The following SLC9A1 variants were observed in gnomAD, a reference collection of about 807,000 sequenced individuals.
SLC9A1 encodes the protein sodium/hydrogen exchanger 1.
SLC9A1 carries 22 observed loss-of-function variants against 67.9 expected under a neutral mutation model. The ratio of observed to expected loss-of-function variants is 0.32; its 90% confidence interval spans 0.23 to 0.46. The LOEUF (loss-of-function observed/expected upper bound fraction) is 0.46. Ranked by LOEUF, SLC9A1 falls within the 20% of genes least tolerant of loss-of-function variation. The pLI is 1.00. For missense variants in SLC9A1, 686 were observed against 1,094.8 expected, an observed-to-expected ratio of 0.63 and a Z score of 5.27; for synonymous variants, 421 against 471.8, an observed-to-expected ratio of 0.89 and a Z score of 1.40.
chr1:27,142,865 C>A (rs1394893316), intron 1 of SLC9A1, among the ~76,000 whole-genome samples: 1 of 152,052 alleles, frequency 6.6e-6, no homozygotes, highest in Non-Finnish European at 1.5e-5. Context: ...CTTCTCCTTG[C>A]CTGGAAGGTA....
chr1:27,153,938 C>A, intron 1 of SLC9A1, 45 bp downstream of exon 1: 1 of 1,330,618 alleles, frequency 7.5e-7, no homozygotes, highest in South Asian at 1.4e-5. Context: ...GCAAGAAGCT[C>A]ACCAGTCTGG....
At chr1:27,127,903 C>T (rs1314660333) in intron 1 of SLC9A1, among the ~76,000 whole-genome samples, 1 of 152,196 alleles carries the variant, frequency 6.6e-6, no homozygotes, top group East Asian at 1.9e-4. Flanking sequence ...AACTGGGCTT[C>T]AGTCTAGACT....
chr1:27,144,517 C>T (rs981010066), intron 1 of SLC9A1, among the ~76,000 whole-genome samples: 12 of 152,270 alleles, frequency 7.9e-5, no homozygotes, highest in Admixed American at 2.0e-4. Context: ...CTCAGTTAAA[C>T]TCCTTGGCTT....
chr1:27,107,950 G>A lies in SLC9A1; in HGVS notation c.1065-85C>T, dbSNP rs969799487. 246 of 983,270 alleles carry A rather than the reference G, an allele frequency of 2.5e-4. 1 individual carries two copies. Among genetic ancestry groups the A allele is most frequent in the Non-Finnish European group, 3.5e-4 (222 of 640,628 alleles). 60.9% of individuals were successfully genotyped at this position (983,270 alleles called of 1,614,324 possible). On this transcript the variant is annotated intron_variant, in intron 3 of 11. Coordinates refer to ENST00000263980, the MANE Select transcript of SLC9A1 (RefSeq NM_003047.5). ...CCACTGCCAGGGGCAATGGGGCCAC[G>A]ACCAAGGTGCCCATGTCCCAAGCTC...
At chr1:27,105,395 G>T in intron 5 of SLC9A1, 1 of 326,398 alleles carries the variant, frequency 3.1e-6, no homozygotes, top group East Asian at 6.7e-5. Flanking sequence ...CACCTCCTGG[G>T]TTCAAGTGAT....
chr1:27,120,333 C>A (rs1274313076), intron 1 of SLC9A1, among the ~76,000 whole-genome samples: 1 of 150,086 alleles, frequency 6.7e-6, no homozygotes, highest in African/African-American at 2.4e-5. Flanking sequence ...GCCATGTTGG[C>A]CAGGCTGGTC....
In SLC9A1 at chr1:27,155,088, A is replaced by G. The variant is rs370882950; in HGVS notation, c.-754T>C. Among the ~76,000 whole-genome samples, 9 of 152,156 alleles carry G rather than the reference A, an allele frequency of 5.9e-5. No individual in the cohort carries two copies. The highest frequency in any genetic ancestry group is 1.2e-4 in the Non-Finnish European group (8 of 67,966). On this transcript the variant is annotated 5_prime_UTR_variant, in exon 1 of 12. Coordinates refer to ENST00000263980, the MANE Select transcript of SLC9A1 (RefSeq NM_003047.5). This position sits in a 1 kb window ranked among gnomAD's most constrained non-coding sequence, Gnocchi z 4.5. ...CTGCAGCTCCTCCTGGTCCAGCTCCAGAACTAACCCTAGCCCCGGCCCCGG... is the reference window on the plus strand; with the variant it reads ...CTGCAGCTCCTCCTGGTCCAGCTCCGGAACTAACCCTAGCCCCGGCCCCGG...
At chr1:27,103,968 GA>G (rs1320101892) in intron 5 of SLC9A1, 1 of 151,970 alleles carries the variant, frequency 6.6e-6, no homozygotes, top group Non-Finnish European at 1.5e-5. Context: ...TGCCTTCAAT[GA>G]AAATGGGCTT....
At chr1:27,150,245 G>A (rs1158795448) in intron 1 of SLC9A1, among the ~76,000 whole-genome samples, 3 of 152,154 alleles carry the variant, frequency 2.0e-5, no homozygotes, top group African/African-American at 7.2e-5. Context: ...TTAATCTACA[G>A]AGGAGATGGC....
At chr1:27,129,307 C>G (rs139777337) in intron 1 of SLC9A1, among the ~76,000 whole-genome samples, 145 of 152,260 alleles carry the variant, frequency 9.5e-4, no homozygotes, top group South Asian at 7.9e-3. Context: ...AGAGACAGGG[C>G]ATGCTTGGAG....
chr1:27,105,774 G>T, intron 5 of SLC9A1, 111 bp downstream of exon 5: 1 of 921,828 alleles, frequency 1.1e-6, no homozygotes, highest in Admixed American at 2.0e-5. Flanking sequence ...GCAAGTTAGT[G>T]GTGGAGCTGG....
Position 27,154,431 on chromosome 1 carries a change from G to A in SLC9A1, c.-97C>T, listed in dbSNP as rs981237539. 2.9e-6 allele frequency: 2 copies of A among 697,408 alleles called. No homozygotes were observed. The highest frequency in any genetic ancestry group is 3.2e-5 in the Admixed American group (1 of 30,908). The allele number at this position is 697,408 out of a possible 1,614,324, so 43.2% of individuals were successfully genotyped here. Reference sequence around the variant, plus strand: ...TCAGCAAGTGGGAAGAGAGACTGGCGTAGTCTCTAGGAAAAGTTCATGTTT... The same window carrying A: ...TCAGCAAGTGGGAAGAGAGACTGGCATAGTCTCTAGGAAAAGTTCATGTTT... On this transcript the variant is annotated 5_prime_UTR_variant, in exon 1 of 12. It adds an upstream start codon to the 5' untranslated region. Transcript: ENST00000263980.
chr1:27,123,791 G>A (rs970722723), intron 1 of SLC9A1, among the ~76,000 whole-genome samples: 16 of 151,812 alleles, frequency 1.1e-4, no homozygotes, highest in Admixed American at 8.5e-4. Context: ...GATTACAGGC[G>A]TGAGCCACCG....
At chr1:27,103,167 T>C (rs572728474) in intron 6 of SLC9A1, 56 bp downstream of exon 6, 9 of 1,269,358 alleles carry the variant, frequency 7.1e-6, no homozygotes, top group Middle Eastern at 1.8e-4. Context: ...GCCCAGCTGC[T>C]CCCTATCTCC....
chr1:27,153,866 C>G, intron 1 of SLC9A1, 117 bp downstream of exon 1: 1 of 679,076 alleles, frequency 1.5e-6, no homozygotes, highest in African/African-American at 1.8e-5. Flanking sequence ...ATGGAGACTG[C>G]CTACTTTATG....
intron 5 of SLC9A1, chr1:27,105,664 A>G (rs915293849): frequency 2.8e-6 from 2 of 708,260 alleles, no homozygotes; most frequent in African/African-American, 3.5e-5. Context: ...GTTCCTTTAC[A>G]TTCTGATCAG....
Position 27,109,676 on chromosome 1 carries a change from C to G in SLC9A1, c.915G>C (p.Gly305=). 1 of 1,613,948 alleles carries G rather than the reference C, an allele frequency of 6.2e-7. No homozygotes were observed. The highest frequency in any genetic ancestry group is 1.1e-5 in the South Asian group (1 of 91,082). The stretch of plus-strand genomic sequence containing the variant: ...CCCCGTAGACCACGCCCACAAGCAC[C>G]CCGCCCAGGGCCACCACGAAGAAGC... ...FLSFFVVALG[G]VLVGVVYGVI... Residue 305 remains glycine, a synonymous_variant, in exon 3 of 12, where the codon GGG becomes GGC. Transcript: ENST00000263980. The surrounding 1 kb of genome is among the most constrained non-coding windows in gnomAD (Gnocchi z 5.5).
At position 27,101,519 on chromosome 1, in the gene SLC9A1, C is replaced by T. The variant is rs1317021886; in HGVS notation, c.2037+206G>A. ...CCTTAAATCCACCCATTCCTCTGTC[C>T]CCTGCCACTGCCCTAACCCAGGCCA... On this transcript the variant is annotated intron_variant, in intron 10 of 11. Coordinates refer to ENST00000263980, the MANE Select transcript of SLC9A1 (RefSeq NM_003047.5). This position sits in a 1 kb window ranked among gnomAD's most constrained non-coding sequence, Gnocchi z 4.9. Among the ~76,000 whole-genome samples, 1 of 152,204 alleles carries T rather than the reference C, an allele frequency of 6.6e-6. No individual in the cohort carries two copies. The highest frequency in any genetic ancestry group is 6.5e-5 in the Admixed American group (1 of 15,280).
At chr1:27,107,232 A>G (rs113206110) in intron 4 of SLC9A1, among the ~76,000 whole-genome samples, 4 of 168 alleles carry the variant, frequency 0.024, no homozygotes, top group East Asian at 0.17. Flanking sequence ...CACACACCCA[A>G]CCCCTACACA....
Sources: gnomAD v4.1 joint callset for allele counts (sites outside exome capture counted in the v4.1 genomes callset) on GRCh38, gnomAD v4.1.1 for gene constraint, Gnocchi (gnomAD v3.1) non-coding constraint, MANE v1.5 for transcripts, NCBI Gene and HGNC (gene_info 2026-07-23, HGNC 2026-07-21) for gene names.